The following NXPE2 variants were observed in gnomAD, a reference collection of about 807,000 sequenced individuals.
NXPE2 encodes neurexophilin and PC-esterase domain family member 2.
NXPE2 carries 34 observed loss-of-function variants against 34.4 expected under a neutral mutation model. That is an observed-to-expected ratio of 0.99 (90% CI 0.75 to 1.31). NXPE2 has a LOEUF of 1.31. Ranked by LOEUF, NXPE2 falls within the 40% of genes most tolerant of loss-of-function variation. NXPE2 has a pLI of 0.00. For missense variants in NXPE2, 649 were observed against 672.5 expected (o/e 0.97, Z 0.39); for synonymous variants, 235 against 231.3 (o/e 1.02, Z -0.15).
At chr11:114,731,785 TA>T in the NXPE2 span, among the ~76,000 whole-genome samples, 13 of 152,160 alleles carry the variant, frequency 8.5e-5, no homozygotes, top group Non-Finnish European at 1.8e-4. Context: ...TACACATAAG[TA>T]AGTACAAATA....
intron 2 of NXPE2, among the ~76,000 whole-genome samples, chr11:114,682,030 T>G (rs1367888738): frequency 6.6e-6 from 1 of 152,200 alleles, no homozygotes; most frequent in African/African-American, 2.4e-5. Context: ...AAGTGATAAC[T>G]CAAGGATTTT....
the NXPE2 span, among the ~76,000 whole-genome samples, chr11:114,714,284 A>G: frequency 3.8e-4 from 58 of 152,206 alleles, no homozygotes; most frequent in Admixed American, 1.3e-3. Flanking sequence ...GACAAAACTC[A>G]TCAAGTTGAT....
At chr11:114,724,354 G>GA in the NXPE2 span, among the ~76,000 whole-genome samples, 2 of 152,134 alleles carry the variant, frequency 1.3e-5, no homozygotes, top group Non-Finnish European at 2.9e-5. Flanking sequence ...TACTCCGCAA[G>GA]AATGAATAAA....
At chr11:114,492,802 G>A in the NXPE2 span, among the ~76,000 whole-genome samples, 1 of 152,160 alleles carries the variant, frequency 6.6e-6, no homozygotes, top group Non-Finnish European at 1.5e-5. Context: ...GCCTCCCAAA[G>A]TGCTGGGATT....
chr11:114,800,129 A>C, the NXPE2 span, among the ~76,000 whole-genome samples: 1 of 152,116 alleles, frequency 6.6e-6, no homozygotes, highest in Non-Finnish European at 1.5e-5. Flanking sequence ...GTTTAAAATT[A>C]TTTTCATTGG....
At chr11:114,575,172 A>G in the NXPE2 span, among the ~76,000 whole-genome samples, 1 of 152,034 alleles carries the variant, frequency 6.6e-6, no homozygotes, top group Non-Finnish European at 1.5e-5. Flanking sequence ...CAGCAAAATC[A>G]ACATAGAAGG....
the NXPE2 span, among the ~76,000 whole-genome samples, chr11:114,805,061 G>A: frequency 6.6e-6 from 1 of 152,180 alleles, no homozygotes; most frequent in South Asian, 2.1e-4. Flanking sequence ...TGCTAAGGAG[G>A]TAGTCAGATT....
the NXPE2 span, among the ~76,000 whole-genome samples, chr11:114,465,250 A>G: frequency 6.6e-6 from 1 of 152,232 alleles, no homozygotes; most frequent in African/African-American, 2.4e-5. Flanking sequence ...ACAGTCCTAC[A>G]TGAAAATAAC....
chr11:114,765,612 C>A, the NXPE2 span, among the ~76,000 whole-genome samples: 2 of 152,282 alleles, frequency 1.3e-5, no homozygotes, highest in African/African-American at 2.4e-5. Flanking sequence ...TACCTACAAC[C>A]ATTTTAGCTC....
the NXPE2 span, among the ~76,000 whole-genome samples, chr11:114,558,741 T>C: frequency 6.6e-6 from 1 of 152,196 alleles, no homozygotes; most frequent in Non-Finnish European, 1.5e-5. Context: ...AGAGTACAAA[T>C]TAACATGATC....
the NXPE2 span, among the ~76,000 whole-genome samples, chr11:114,669,149 C>T: frequency 2.4e-4 from 36 of 152,160 alleles, no homozygotes; most frequent in Non-Finnish European, 5.0e-4. Flanking sequence ...GCTCTGTGGA[C>T]CCTCTCCCCA....
the NXPE2 span, among the ~76,000 whole-genome samples, chr11:114,767,137 TG>T: frequency 6.6e-6 from 1 of 152,312 alleles, no homozygotes; most frequent in African/African-American, 2.4e-5. Flanking sequence ...CTATAGAAAT[TG>T]TTACATTGTT....
the NXPE2 span, among the ~76,000 whole-genome samples, chr11:114,587,929 C>G: frequency 6.6e-6 from 1 of 152,092 alleles, no homozygotes; most frequent in Non-Finnish European, 1.5e-5. Context: ...CAGAGGGGAG[C>G]CTTAATTTTA....
the NXPE2 span, among the ~76,000 whole-genome samples, chr11:114,645,276 G>C: frequency 1.3e-5 from 2 of 152,192 alleles, no homozygotes; most frequent in South Asian, 4.2e-4. Context: ...ACTCCAGCCT[G>C]GGTGACAGAG....
At chr11:114,650,368 A>G in the NXPE2 span, among the ~76,000 whole-genome samples, 2 of 152,234 alleles carry the variant, frequency 1.3e-5, no homozygotes, top group African/African-American at 4.8e-5. Context: ...ACAATCACCC[A>G]TGAGCTCTTC....
chr11:114,778,524 G>A, the NXPE2 span, among the ~76,000 whole-genome samples: 1 of 152,202 alleles, frequency 6.6e-6, no homozygotes, highest in African/African-American at 2.4e-5. Context: ...TCCTTTGGGG[G>A]AGATGAGAAG....
chr11:114,753,697 T>C, the NXPE2 span, among the ~76,000 whole-genome samples: 13 of 152,198 alleles, frequency 8.5e-5, 1 homozygote, highest in African/African-American at 3.1e-4. Flanking sequence ...CAGAAAAAGT[T>C]CCCTATGAAT....
chr11:114,643,556 C>T, the NXPE2 span, among the ~76,000 whole-genome samples: 1 of 152,000 alleles, frequency 6.6e-6, no homozygotes, highest in South Asian at 2.1e-4. Context: ...TGTCAAAGAT[C>T]AGATGGTTGT....
the NXPE2 span, among the ~76,000 whole-genome samples, chr11:114,631,824 G>A: frequency 6.6e-6 from 1 of 151,580 alleles, no homozygotes; most frequent in South Asian, 2.1e-4. Flanking sequence ...TGCCTCATGG[G>A]TAACCGATGT....
Sources: allele counts gnomAD v4.1 joint callset (sites outside exome capture counted in the v4.1 genomes callset), GRCh38; gene constraint gnomAD v4.1.1; transcripts MANE v1.5; gene names NCBI Gene and HGNC (gene_info 2026-07-23, HGNC 2026-07-21).